The following AIG1 variants were observed in gnomAD, a reference collection of about 807,000 sequenced individuals.
AIG1 encodes androgen induced 1, also known as androgen-induced gene 1 protein.
A neutral mutation model predicts 31.4 loss-of-function variants in AIG1; 23 were observed. The observed-to-expected ratio is 0.73, with a 90% CI of 0.53 to 1.04. The LOEUF is 1.04. AIG1 is among the 50% of genes least tolerant of loss of function. AIG1 has a pLI of 0.00. For missense variants in AIG1, 274 were observed against 295.0 expected, an observed-to-expected ratio of 0.93 and a Z score of 0.52; for synonymous variants, 100 against 110.5, an observed-to-expected ratio of 0.90 and a Z score of 0.60.
intron 1 of AIG1, among the ~76,000 whole-genome samples, chr6:143,136,348 A>G (rs1277623105): frequency 2.6e-5 from 4 of 152,312 alleles, no homozygotes; most frequent in Admixed American, 6.5e-5. Flanking sequence ...AGATGAAAGC[A>G]TAGGAAAGTT....
intron 4 of AIG1, among the ~76,000 whole-genome samples, chr6:143,285,173 T>G (rs1797601587): frequency 6.6e-6 from 1 of 151,606 alleles, no homozygotes; most frequent in Admixed American, 6.6e-5. Context: ...AGTTGAAAAA[T>G]AAAATAAAGG....
At chr6:143,260,384 G>T (rs1184134918) in intron 3 of AIG1, among the ~76,000 whole-genome samples, 1 of 152,124 alleles carries the variant, frequency 6.6e-6, no homozygotes, top group Admixed American at 6.5e-5. Flanking sequence ...AGTATATATT[G>T]TTGTGTTTGG....
intron 4 of AIG1, among the ~76,000 whole-genome samples, chr6:143,307,361 G>A (rs1396121020): frequency 6.6e-6 from 1 of 152,158 alleles, no homozygotes; most frequent in Non-Finnish European, 1.5e-5. Context: ...TGATGGTGAT[G>A]TACAGATGGG....
intron 2 of AIG1, among the ~76,000 whole-genome samples, chr6:143,157,875 T>G (rs1379490761): frequency 6.6e-6 from 1 of 152,196 alleles, no homozygotes; most frequent in Non-Finnish European, 1.5e-5. Flanking sequence ...CCTCTCTATG[T>G]TTTTTGTGTT....
chr6:143,134,476 A>G (rs1295791931), intron 1 of AIG1, among the ~76,000 whole-genome samples: 2 of 148,696 alleles, frequency 1.3e-5, no homozygotes, highest in South Asian at 2.1e-4. Flanking sequence ...TTGTATGAAT[A>G]TAACACCATT....
intron 2 of AIG1, among the ~76,000 whole-genome samples, chr6:143,159,241 T>C (rs559309910): frequency 3.3e-5 from 5 of 152,322 alleles, no homozygotes; most frequent in African/African-American, 1.2e-4. Flanking sequence ...AATTACTGGT[T>C]GGACTTGAAG....
chr6:143,061,883 A>G (rs189444340), intron 1 of AIG1, among the ~76,000 whole-genome samples: 1 of 152,388 alleles, frequency 6.6e-6, no homozygotes, highest in African/African-American at 2.4e-5. Context: ...ATAAGGCCCA[A>G]TAATGAACTC....
intron 1 of AIG1, among the ~76,000 whole-genome samples, chr6:143,118,698 A>G (rs1280515827): frequency 6.6e-6 from 1 of 152,142 alleles, no homozygotes; most frequent in Non-Finnish European, 1.5e-5. Context: ...GCATAACCCA[A>G]AGACTTATCA....
At chr6:143,300,646 T>A (rs1798759663) in intron 4 of AIG1, among the ~76,000 whole-genome samples, 1 of 152,254 alleles carries the variant, frequency 6.6e-6, no homozygotes, top group African/African-American at 2.4e-5. Flanking sequence ...TAATTAAAAT[T>A]TGACCATGTA....
intron 4 of AIG1, among the ~76,000 whole-genome samples, chr6:143,314,131 T>C (rs1421326336): frequency 6.8e-6 from 1 of 147,142 alleles, no homozygotes; most frequent in African/African-American, 2.5e-5. Context: ...GCAGGATTGC[T>C]TGAGGCCAGG....
intron 1 of AIG1, among the ~76,000 whole-genome samples, chr6:143,067,071 C>T (rs1776782725): frequency 6.6e-6 from 1 of 151,888 alleles, no homozygotes; most frequent in Non-Finnish European, 1.5e-5. Flanking sequence ...GGGGCTGGGG[C>T]AGGAGGATGA....
At chr6:143,066,138 G>T (rs934014893) in intron 1 of AIG1, among the ~76,000 whole-genome samples, 2 of 152,170 alleles carry the variant, frequency 1.3e-5, no homozygotes, top group African/African-American at 4.8e-5. Flanking sequence ...ATCAGAGTCT[G>T]CATTTTAATA....
rs543786229 is a variant in AIG1, at chr6:143,179,251, G to A, written c.399+14068G>A. Among the ~76,000 whole-genome samples, 18 of 152,172 alleles carry A rather than the reference G, an allele frequency of 1.2e-4. No homozygotes were observed. In the East Asian group the frequency reaches 3.5e-3, roughly 29 times the overall value. On this transcript the variant is annotated intron_variant, in intron 3 of 5. Transcript: ENST00000357847. ...GCTGGTGGGGGATGTTGAGGGATTG[G>A]GAAAATATGAATTTTTAAACATTTA...
chr6:143,060,646 T>A (rs1327556228), upstream of AIG1: 1 of 456,828 alleles, frequency 2.2e-6, no homozygotes, highest in Admixed American at 2.4e-5. Flanking sequence ...AGGAGCAGAA[T>A]GACGAAGGTG....
chr6:143,216,451 A>G (rs1221131778), intron 3 of AIG1, among the ~76,000 whole-genome samples: 2 of 152,200 alleles, frequency 1.3e-5, no homozygotes, highest in Non-Finnish European at 2.9e-5. Context: ...TGTTTGAATT[A>G]TATGACAAAA....
chr6:143,094,895 C>T (rs1458025308), intron 1 of AIG1, among the ~76,000 whole-genome samples: 1 of 152,068 alleles, frequency 6.6e-6, no homozygotes, highest in Non-Finnish European at 1.5e-5. Context: ...AGAATCCTCA[C>T]TATATTGAAA....
At chr6:143,203,429 T>G (rs1790856924) in intron 3 of AIG1, among the ~76,000 whole-genome samples, 1 of 152,218 alleles carries the variant, frequency 6.6e-6, no homozygotes, top group South Asian at 2.1e-4. Flanking sequence ...GATTACAAAA[T>G]TCACCTTTTG....
At chr6:143,177,685 T>C (rs978227240) in intron 3 of AIG1, among the ~76,000 whole-genome samples, 2 of 152,106 alleles carry the variant, frequency 1.3e-5, no homozygotes, top group African/African-American at 2.4e-5. Context: ...GCTCCGGCAG[T>C]AGGGAGCATG....
intron 1 of AIG1, among the ~76,000 whole-genome samples, chr6:143,096,496 A>C (rs1779808138): frequency 6.6e-6 from 1 of 152,228 alleles, no homozygotes. Flanking sequence ...CATGAGAGTG[A>C]CTAAGTTATT....
Sources: gnomAD v4.1 joint callset for allele counts (sites outside exome capture counted in the v4.1 genomes callset) on GRCh38, gnomAD v4.1.1 for gene constraint, MANE v1.5 for transcripts, NCBI Gene and HGNC (gene_info 2026-07-23, HGNC 2026-07-21) for gene names.